Variants in LRP12 observed in about 807,000 individuals in gnomAD.
The protein encoded by LRP12 is LDL receptor related protein 12, also known as low-density lipoprotein receptor-related protein 12.
LRP12 carries 14 observed loss-of-function variants against 66.0 expected under a neutral mutation model. That is an observed-to-expected ratio of 0.21 (90% CI 0.14 to 0.33). The LOEUF is 0.33. Ranked by LOEUF, LRP12 falls within the 10% of genes least tolerant of loss-of-function variation. The probability of loss-of-function intolerance (pLI) is 1.00; values close to 1 mark genes in which losing one functional copy is unlikely to be tolerated. For synonymous variants in LRP12, 357 were observed against 359.1 expected, an observed-to-expected ratio of 0.99 and a Z score of 0.07; for missense variants, 889 against 1,053.4, an observed-to-expected ratio of 0.84 and a Z score of 2.16.
chr8:104,588,831 C>G lies in LRP12; in HGVS notation c.67G>C (p.Ala23Pro), dbSNP rs1406147537. 1.2e-6 allele frequency: 2 copies of G among 1,612,418 alleles called. No homozygotes were observed. The highest frequency in any genetic ancestry group is 1.7e-6 in the Non-Finnish European group (2 of 1,179,282). The change falls in exon 1 of 7, where the codon GCT becomes CCT. Residue 23 changes from alanine (A) to proline (P), a missense_variant. This residue lies in a region of LRP12 where 88 missense variants were observed against 72.5 expected (regional missense o/e 1.21). Transcript: ENST00000276654. ...WRSALLLLFL[A>P]GVYGNGALAE... is the part of the protein sequence containing the mutation. ...CGCGGACACTTACCGTACACCCCAG[C>G]GAGGAAAAGCAAGAGCAACGCAGAC...
rs1472425457 is a variant in LRP12, at chr8:104,548,286, AT to A, written c.80-16324del. ...TATATGATATATATTATATTAATAT[AT>A]CATATATTTATATAATATATATTAT... On this transcript the variant is annotated intron_variant, in intron 1 of 6. Coordinates refer to ENST00000276654, the MANE Select transcript of LRP12 (RefSeq NM_013437.5). Among the ~76,000 whole-genome samples, 111 of 80,162 alleles carry A rather than the reference AT, an allele frequency of 1.4e-3. 7 individuals carry two copies. Among genetic ancestry groups the A allele is most frequent in the African/African-American group, 7.4e-3 (108 of 14,506 alleles). 52.6% of individuals were successfully genotyped at this position (80,162 alleles called of 152,430 possible).
Position 104,511,859 on chromosome 8 carries a change from T to C in LRP12, c.137-2785A>G, listed in dbSNP as rs546093194. On this transcript the variant is annotated intron_variant, in intron 2 of 6. Coordinates refer to ENST00000276654, the MANE Select transcript of LRP12 (RefSeq NM_013437.5). ...CATACAGCACAGATATATCAAGGGC[T>C]TAGCATTCATCTCATTGCCAAGGCA... is the stretch of plus-strand genomic sequence containing the variant. Among the ~76,000 whole-genome samples the C allele has an allele frequency of 1.3e-4, 20 of 152,278 alleles. No individual in the cohort carries two copies. In the South Asian group the frequency reaches 1.7e-3, roughly 13 times the overall value.
Position 104,548,353 on chromosome 8 carries a change from AAT to A in LRP12, c.80-16392_80-16391del, listed in dbSNP as rs1205526853. ...ATATTATATAAATATATAAATATAT[AAT>A]ATATATTATATAAATATATTATATA... On this transcript the variant is annotated intron_variant, in intron 1 of 6. Coordinates refer to ENST00000276654, the MANE Select transcript of LRP12 (RefSeq NM_013437.5). 3.3e-4 allele frequency among the ~76,000 whole-genome samples: 16 copies of A among 49,134 alleles called. No homozygotes were observed. In the East Asian group the frequency reaches 7.8e-3, roughly 24 times the overall value. 32.2% of individuals were successfully genotyped at this position (49,134 alleles called of 152,430 possible).
At chr8:104,583,176 G>A (rs1246201157) in intron 1 of LRP12, among the ~76,000 whole-genome samples, 1 of 152,098 alleles carries the variant, frequency 6.6e-6, no homozygotes, top group African/African-American at 2.4e-5. Context: ...AGTAGCAAAT[G>A]TGACTGTTTC....
chr8:104,533,831 C>A (rs1263302930), intron 1 of LRP12, among the ~76,000 whole-genome samples: 1 of 151,910 alleles, frequency 6.6e-6, no homozygotes, highest in Non-Finnish European at 1.5e-5. Context: ...ATATTTTAAA[C>A]ATGAAATCTT....
intron 6 of LRP12, among the ~76,000 whole-genome samples, chr8:104,494,006 G>A (rs918698445): frequency 6.6e-6 from 1 of 152,082 alleles, no homozygotes; most frequent in African/African-American, 2.4e-5. Flanking sequence ...AACCTGAAGG[G>A]GATTTGGGGA....
intron 1 of LRP12, among the ~76,000 whole-genome samples, chr8:104,546,492 T>G (rs1811558935): frequency 6.6e-6 from 1 of 152,170 alleles, no homozygotes; most frequent in East Asian, 1.9e-4. Context: ...TGATGTATTA[T>G]TAAATCTACC....
At chr8:104,522,204 C>T (rs113317469) in intron 2 of LRP12, among the ~76,000 whole-genome samples, 1,844 of 152,068 alleles carry the variant, frequency 0.012, 34 homozygotes, top group African/African-American at 0.041. Flanking sequence ...GTTAACTAAT[C>T]TGAAAGCAAA....
At chr8:104,521,003 C>A (rs1243052959) in intron 2 of LRP12, among the ~76,000 whole-genome samples, 1 of 152,076 alleles carries the variant, frequency 6.6e-6, no homozygotes, top group African/African-American at 2.4e-5. Flanking sequence ...TACCCTGTCA[C>A]AATACAACCT....
At position 104,495,213 on chromosome 8, in the gene LRP12, TGA is replaced by T; in HGVS notation, c.1581-6_1581-5del. On this transcript the variant is annotated splice_region_variant and splice_polypyrimidine_tract_variant and intron_variant, in intron 5 of 6. Transcript: ENST00000276654. ...TGACAACTGTGTTTCAAATGATCTT[TGA>T]GAGTAGATGGAAAGAAAAATGATTA... 6.2e-7 allele frequency: 1 copy of T among 1,603,784 alleles called. No homozygotes were observed. Among genetic ancestry groups the T allele is most frequent in the South Asian group, 1.1e-5 (1 of 88,086 alleles).
intron 1 of LRP12, among the ~76,000 whole-genome samples, chr8:104,551,373 A>G (rs1372597827): frequency 6.6e-6 from 1 of 152,158 alleles, no homozygotes; most frequent in Non-Finnish European, 1.5e-5. Flanking sequence ...ATATTTAAAA[A>G]TAATTTCAAC....
chr8:104,577,747 C>T (rs1812187153), intron 1 of LRP12, among the ~76,000 whole-genome samples: 1 of 144,352 alleles, frequency 6.9e-6, no homozygotes, highest in African/African-American at 2.6e-5. Context: ...GGAGGCGGAG[C>T]TTGCAGTGAG....
chr8:104,584,398 G>C (rs977354557), intron 1 of LRP12, among the ~76,000 whole-genome samples: 6 of 151,190 alleles, frequency 4.0e-5, no homozygotes, highest in Non-Finnish European at 8.8e-5. Flanking sequence ...AAAAAAAAAG[G>C]AACAACATCT....
chr8:104,539,756 T>C (rs968005054), intron 1 of LRP12, among the ~76,000 whole-genome samples: 2 of 152,080 alleles, frequency 1.3e-5, no homozygotes, highest in Admixed American at 1.3e-4. Flanking sequence ...ATCTTATAGA[T>C]AATTCATGTC....
intron 2 of LRP12, among the ~76,000 whole-genome samples, chr8:104,519,039 C>T (rs1216269081): frequency 6.6e-6 from 1 of 152,018 alleles, no homozygotes; most frequent in African/African-American, 2.4e-5. Context: ...TGTTGGACTG[C>T]CATGTATAAC....
intron 1 of LRP12, among the ~76,000 whole-genome samples, chr8:104,551,128 T>C (rs774963433): frequency 1.7e-4 from 26 of 152,132 alleles, no homozygotes; most frequent in Admixed American, 5.9e-4. Flanking sequence ...CTAAAATACA[T>C]ACAGTTTCTG....
chr8:104,542,425 A>G (rs957783716), intron 1 of LRP12, among the ~76,000 whole-genome samples: 1 of 152,130 alleles, frequency 6.6e-6, no homozygotes, highest in Non-Finnish European at 1.5e-5. Context: ...TAATTTGCAA[A>G]TATTTTCTCC....
chr8:104,548,190 A>ATT (rs1811638707), intron 1 of LRP12, among the ~76,000 whole-genome samples: 1 of 82,886 alleles, frequency 1.2e-5, no homozygotes, highest in African/African-American at 6.2e-5. Flanking sequence ...TATAATATAT[A>ATT]TATAAATATA....
At chr8:104,539,505 A>T (rs989055124) in intron 1 of LRP12, among the ~76,000 whole-genome samples, 3 of 151,924 alleles carry the variant, frequency 2.0e-5, no homozygotes, top group South Asian at 4.2e-4. Flanking sequence ...ACAAAAAAAA[A>T]CCCCTCTGAT....
Sources: gnomAD v4.1 joint callset for allele counts (sites outside exome capture counted in the v4.1 genomes callset) on GRCh38, gnomAD v4.1.1 for gene constraint, gnomAD v4.1.1 regional missense constraint, MANE v1.5 for transcripts, NCBI Gene and HGNC (gene_info 2026-07-23, HGNC 2026-07-21) for gene names.